The following KAZN variants were observed in gnomAD, a reference collection of about 807,000 sequenced individuals.
KAZN encodes the protein kazrin.
In KAZN, 40 loss-of-function variants were observed where a neutral mutation model predicts 87.4. The ratio of observed to expected loss-of-function variants is 0.46; its 90% CI spans 0.36 to 0.60. The LOEUF is 0.60. Among genes scored for constraint, KAZN ranks in the 20% least tolerant of loss-of-function variants. The pLI, the probability that KAZN is intolerant of heterozygous loss-of-function variation, is 0.00. For missense variants in KAZN, 898 were observed against 1,073.9 expected, an observed-to-expected ratio of 0.84 and a Z score of 2.29; for synonymous variants, 466 against 458.3, an observed-to-expected ratio of 1.02 and a Z score of -0.22.
chr1:15,013,591 T>TA (rs921022532), intron 2 of KAZN, among the ~76,000 whole-genome samples: 8 of 151,674 alleles, frequency 5.3e-5, no homozygotes, highest in South Asian at 2.1e-4. Context: ...CCGTCTCTAT[T>TA]AAAAAAATAT....
intron 1 of KAZN, among the ~76,000 whole-genome samples, chr1:14,095,642 A>G (rs1290402362): frequency 6.6e-6 from 1 of 151,944 alleles, no homozygotes; most frequent in Non-Finnish European, 1.5e-5. Flanking sequence ...AACTAGGAAA[A>G]CTCAAAGGCT....
chr1:14,789,352 G>A (rs1737357), intron 1 of KAZN, among the ~76,000 whole-genome samples: 99,714 of 151,950 alleles, frequency 0.66, 33,351 homozygotes, highest in South Asian at 0.79. Flanking sequence ...CATCCATTCC[G>A]GTCAGCTGAT....
chr1:14,370,133 A>G (rs1445375612), intron 2 of KAZN, among the ~76,000 whole-genome samples: 1 of 152,182 alleles, frequency 6.6e-6, no homozygotes, highest in Non-Finnish European at 1.5e-5. Context: ...AGTGGTTTCC[A>G]CAGAGGGTGG....
chr1:14,373,097 G>A (rs191127054), intron 2 of KAZN, among the ~76,000 whole-genome samples: 1 of 152,084 alleles, frequency 6.6e-6, no homozygotes, highest in African/African-American at 2.4e-5. Flanking sequence ...AAAGAAAGCT[G>A]GAGGTAGGTA....
intron 1 of KAZN, among the ~76,000 whole-genome samples, chr1:14,833,033 G>A (rs1402275014): frequency 6.6e-6 from 1 of 152,112 alleles, no homozygotes; most frequent in Non-Finnish European, 1.5e-5. Flanking sequence ...AATTGATAAT[G>A]AATAATTTAC....
intron 2 of KAZN, among the ~76,000 whole-genome samples, chr1:14,513,537 TTTCTA>T (rs1231362915): frequency 6.6e-6 from 1 of 152,180 alleles, no homozygotes; most frequent in East Asian, 1.9e-4. Flanking sequence ...TTTTTCCGTC[TTTCTA>T]AGGTACAGCA....
At chr1:14,105,166 G>C (rs1394104884) in intron 1 of KAZN, among the ~76,000 whole-genome samples, 1 of 152,218 alleles carries the variant, frequency 6.6e-6, no homozygotes, top group Non-Finnish European at 1.5e-5. Flanking sequence ...CCCAGCAAGA[G>C]AGAAGGACAT....
Position 15,094,162 on chromosome 1 carries a change from T to G in KAZN, c.1223-18T>G. 1 of 1,610,420 alleles carries G rather than the reference T, an allele frequency of 6.2e-7. No individual in the cohort carries two copies. Among genetic ancestry groups the G allele is most frequent in the Non-Finnish European group, 8.5e-7 (1 of 1,178,706 alleles). ...AGCAGCCTCGTCCCCCAGCATGGCCTGCACTTGTGTGTTGCAGACTCGGAC... is the reference window on the plus strand; with the variant it reads ...AGCAGCCTCGTCCCCCAGCATGGCCGGCACTTGTGTGTTGCAGACTCGGAC... On this transcript the variant is annotated intron_variant, in intron 8 of 14. Transcript: ENST00000376030. This position sits in a 1 kb window ranked among gnomAD's most constrained non-coding sequence, Gnocchi z 4.5.
intron 2 of KAZN, among the ~76,000 whole-genome samples, chr1:14,519,970 A>G (rs1359366924): frequency 6.6e-6 from 1 of 152,214 alleles, no homozygotes; most frequent in Non-Finnish European, 1.5e-5. Flanking sequence ...CCACGAGCCC[A>G]GGCATCTGTC....
At chr1:14,374,073 G>C (rs377500359) in intron 2 of KAZN, among the ~76,000 whole-genome samples, 1 of 152,182 alleles carries the variant, frequency 6.6e-6, no homozygotes, top group South Asian at 2.1e-4. Context: ...TTGATAATTA[G>C]CTACTCTCCT....
intron 1 of KAZN, among the ~76,000 whole-genome samples, chr1:13,914,582 CCTT>C (rs1377263677): frequency 6.6e-6 from 1 of 152,154 alleles, no homozygotes; most frequent in African/African-American, 2.4e-5. Flanking sequence ...TTCCATTACT[CCTT>C]CTTAGCTGAC....
chr1:15,012,015 G>T (rs1211092992), intron 2 of KAZN, among the ~76,000 whole-genome samples: 3 of 152,148 alleles, frequency 2.0e-5, no homozygotes, highest in Non-Finnish European at 4.4e-5. Flanking sequence ...GGCTGCATCT[G>T]TTCTTAGCTG....
At chr1:14,013,624 T>C (rs1018387137) in intron 1 of KAZN, among the ~76,000 whole-genome samples, 3 of 152,132 alleles carry the variant, frequency 2.0e-5, no homozygotes, top group Non-Finnish European at 4.4e-5. Flanking sequence ...CGATGGAAAA[T>C]AACCTAGGAA....
chr1:14,139,976 ATG>A (rs1333577253), intron 1 of KAZN, among the ~76,000 whole-genome samples: 1 of 30,920 alleles, frequency 3.2e-5, no homozygotes, highest in Non-Finnish European at 5.0e-5. Context: ...TGTGGTATGT[ATG>A]TGTGTGTGTG....
intron 2 of KAZN, chr1:14,222,933 A>G (rs1647139521): frequency 6.6e-6 from 1 of 152,186 alleles, no homozygotes; most frequent in Non-Finnish European, 1.5e-5. Context: ...CATCATCATC[A>G]ACATCTTCAT....
chr1:14,795,620 C>T (rs1362028756), intron 1 of KAZN, among the ~76,000 whole-genome samples: 1 of 150,334 alleles, frequency 6.7e-6, no homozygotes, highest in Non-Finnish European at 1.5e-5. Context: ...TAACCTAAAT[C>T]TGCCCAACCT....
At chr1:14,336,053 G>A (rs1657246252) in intron 2 of KAZN, among the ~76,000 whole-genome samples, 2 of 152,194 alleles carry the variant, frequency 1.3e-5, no homozygotes, top group South Asian at 4.1e-4. Context: ...TTTTGGGTGG[G>A]TGCTTACAAA....
intron 1 of KAZN, among the ~76,000 whole-genome samples, chr1:13,972,368 A>T (rs1037244531): frequency 2.0e-5 from 3 of 150,304 alleles, no homozygotes; most frequent in Non-Finnish European, 4.4e-5. Context: ...CTGCCTCCCG[A>T]ATGCCACCCT....
At position 14,209,419 on chromosome 1, in the gene KAZN, C is replaced by G. The variant is rs539570137; in HGVS notation, c.249+28827C>G. ...TGTTTTTTTCCAGCATACCCCATCTCCATTTCAGTAAGTAAAACCCTATGC... is the reference window on the plus strand; with the variant it reads ...TGTTTTTTTCCAGCATACCCCATCTGCATTTCAGTAAGTAAAACCCTATGC... On this transcript the variant is annotated intron_variant, in intron 2 of 16. Transcript: ENST00000636203. 6.6e-5 allele frequency among the ~76,000 whole-genome samples: 10 copies of G among 152,290 alleles called. No homozygotes were observed. In the South Asian group the frequency reaches 1.9e-3, roughly 28 times the overall value.
Sources: allele counts gnomAD v4.1 joint callset (sites outside exome capture counted in the v4.1 genomes callset), GRCh38; gene constraint gnomAD v4.1.1; non-coding constraint Gnocchi (gnomAD v3.1); transcripts MANE v1.5; gene names NCBI Gene and HGNC (gene_info 2026-07-23, HGNC 2026-07-21).